GNB1: variants seen among roughly 807,000 people sequenced by gnomAD.
GNB1 encodes the protein G protein subunit beta 1, also known as guanine nucleotide-binding protein G(I)/G(S)/G(T) subunit beta-1.
In GNB1, 2 loss-of-function variants were observed where a neutral mutation model predicts 42.9. The observed-to-expected ratio is 0.05, with a 90% CI of 0.02 to 0.15. The LOEUF (loss-of-function observed/expected upper bound fraction) is 0.15, where lower values mean the gene tolerates loss of function less well. GNB1 is among the 10% of genes least tolerant of loss of function. GNB1 has a pLI of 1.00. For synonymous variants in GNB1, 183 were observed against 174.7 expected (o/e 1.05, Z -0.38); for missense variants, 193 against 462.2 (o/e 0.42, Z 5.34).
At chr1:1,879,178 G>A (rs1332909137) in intron 1 of GNB1, among the ~76,000 whole-genome samples, 1 of 152,138 alleles carries the variant, frequency 6.6e-6, no homozygotes, top group Non-Finnish European at 1.5e-5. Flanking sequence ...AACTTCTCTG[G>A]TCCCCACAGG....
chr1:1,794,951 G>A (rs565116585), intron 7 of GNB1, among the ~76,000 whole-genome samples: 2 of 152,328 alleles, frequency 1.3e-5, no homozygotes, highest in South Asian at 4.1e-4. Flanking sequence ...GCTTCCCAAA[G>A]TGCTAGGATT....
chr1:1,860,272 T>C (rs1345503225), intron 1 of GNB1, among the ~76,000 whole-genome samples: 1 of 152,092 alleles, frequency 6.6e-6, no homozygotes, highest in African/African-American at 2.4e-5. Flanking sequence ...CAATGGGGAC[T>C]ATTAGACAGG....
At chr1:1,857,755 A>T (rs1012613520) in intron 1 of GNB1, among the ~76,000 whole-genome samples, 2 of 152,208 alleles carry the variant, frequency 1.3e-5, no homozygotes, top group African/African-American at 4.8e-5. Flanking sequence ...CACTTTATAT[A>T]GACTACATTT....
chr1:1,852,772 C>A (rs997441820), intron 1 of GNB1, among the ~76,000 whole-genome samples: 24 of 152,002 alleles, frequency 1.6e-4, no homozygotes, highest in African/African-American at 5.8e-4. Context: ...TACGGGCCTA[C>A]CCTACACTCA....
chr1:1,811,080 TA>T (rs1425802064), intron 5 of GNB1, among the ~76,000 whole-genome samples: 6 of 25,280 alleles, frequency 2.4e-4, no homozygotes, highest in African/African-American at 6.2e-4. Flanking sequence ...CATATATATA[TA>T]TTTTTTTTTT....
chr1:1,839,073 T>C (rs1383808984), intron 2 of GNB1, 117 bp downstream of exon 2: 2 of 152,144 alleles, frequency 1.3e-5, no homozygotes, highest in Non-Finnish European at 2.9e-5. Context: ...CTGAGCAACA[T>C]GGCAAAACAC....
At chr1:1,875,062 T>C (rs1423287056) in intron 1 of GNB1, among the ~76,000 whole-genome samples, 1 of 152,194 alleles carries the variant, frequency 6.6e-6, no homozygotes, top group African/African-American at 2.4e-5. Context: ...ACACTGCCGC[T>C]GATCTGACAG....
At chr1:1,857,277 C>T (rs963739828) in intron 1 of GNB1, among the ~76,000 whole-genome samples, 1 of 151,998 alleles carries the variant, frequency 6.6e-6, no homozygotes, top group Admixed American at 6.6e-5. Context: ...GAAAGAGGAA[C>T]CAAGAACCCA....
chr1:1,889,659 T>TAAAA (rs35173217), intron 1 of GNB1, among the ~76,000 whole-genome samples: 3 of 115,302 alleles, frequency 2.6e-5, no homozygotes, highest in Non-Finnish European at 5.4e-5. Context: ...TCCCATCTCT[T>TAAAA]AAAAAAAAAA....
chr1:1,806,763 C>A (rs1414101887), intron 5 of GNB1, among the ~76,000 whole-genome samples: 2 of 152,092 alleles, frequency 1.3e-5, no homozygotes, highest in African/African-American at 4.8e-5. Context: ...CACATGAGGT[C>A]AGGAGTTCAA....
rs1167388541 is a variant in GNB1, at chr1:1,814,779, C to T, written c.203+977G>A. On this transcript the variant is annotated intron_variant, in intron 5 of 11. Transcript: ENST00000378609. ...ATCACACCACTGCACTCCAGCATGA[C>T]TGAGTGAGACCCTGTCTCAAAAAAA... Among the ~76,000 whole-genome samples, 5 of 127,878 alleles carry T rather than the reference C, an allele frequency of 3.9e-5. No homozygotes were observed. In the East Asian group the frequency reaches 1.2e-3, roughly 30 times the overall value. The allele number at this position is 127,878 out of a possible 152,430, so 83.9% of individuals were successfully genotyped here.
intron 5 of GNB1, 69 bp downstream of exon 5, chr1:1,815,687 C>T (rs1570659651): frequency 1.2e-6 from 1 of 853,276 alleles, no homozygotes; most frequent in Non-Finnish European, 2.0e-6. Context: ...GGTTCAGGTA[C>T]TTTTCCCCTA....
At chr1:1,839,085 G>GC (rs768947680) in intron 2 of GNB1, 105 bp downstream of exon 2, 1 of 152,080 alleles carries the variant, frequency 6.6e-6, no homozygotes, top group Non-Finnish European at 1.5e-5. Flanking sequence ...GCAAAACACT[G>GC]TCTCTTTAAA....
intron 2 of GNB1, among the ~76,000 whole-genome samples, chr1:1,829,962 A>T (rs1479048103): frequency 1.3e-5 from 2 of 150,860 alleles, no homozygotes; most frequent in Admixed American, 6.6e-5. Context: ...CTGGTCTTGA[A>T]CTCCTGACCT....
At chr1:1,879,406 A>G (rs1208983498) in intron 1 of GNB1, among the ~76,000 whole-genome samples, 2 of 152,212 alleles carry the variant, frequency 1.3e-5, no homozygotes, top group Non-Finnish European at 2.9e-5. Flanking sequence ...ACATTTTTAT[A>G]AAGAACAACT....
intron 5 of GNB1, among the ~76,000 whole-genome samples, chr1:1,814,170 G>A (rs962664716): frequency 6.6e-6 from 1 of 152,050 alleles, no homozygotes; most frequent in African/African-American, 2.4e-5. Flanking sequence ...GAATTGTATG[G>A]GATACTATAT....
intron 6 of GNB1, among the ~76,000 whole-genome samples, chr1:1,805,387 G>T (rs952894872): frequency 2.0e-5 from 3 of 151,546 alleles, no homozygotes; most frequent in Admixed American, 6.6e-5. Context: ...CTTGAACCAG[G>T]GGGGTGGAGG....
At chr1:1,793,194 C>A in intron 8 of GNB1, 51 bp downstream of exon 8, 1 of 1,110,424 alleles carries the variant, frequency 9.0e-7, no homozygotes, top group Non-Finnish European at 1.4e-6. Context: ...GAGGAATGTG[C>A]CAGGGGCTGT....
chr1:1,857,488 C>T (rs1648370756), intron 1 of GNB1, among the ~76,000 whole-genome samples: 1 of 152,186 alleles, frequency 6.6e-6, no homozygotes. Context: ...CAACTCACTC[C>T]CTCACTGTCT....
Sources: gnomAD v4.1 joint callset for allele counts (sites outside exome capture counted in the v4.1 genomes callset) on GRCh38, gnomAD v4.1.1 for gene constraint, MANE v1.5 for transcripts, NCBI Gene and HGNC (gene_info 2026-07-23, HGNC 2026-07-21) for gene names.